Variants in LRRC4C observed in about 807,000 individuals in gnomAD.
The protein encoded by LRRC4C is leucine-rich repeat-containing protein 4C.
Under a neutral mutation model 33.6 loss-of-function variants are expected in LRRC4C, and 5 were observed. That is an observed-to-expected ratio of 0.15 (90% CI 0.08 to 0.31). The LOEUF is 0.31. Among genes scored for constraint, LRRC4C ranks in the 10% least tolerant of loss-of-function variants. The probability of loss-of-function intolerance (pLI) is 1.00; values close to 1 mark genes in which losing one functional copy is unlikely to be tolerated. For synonymous variants in LRRC4C, 329 were observed against 302.0 expected (o/e 1.09, Z -0.93); for missense variants, 560 against 796.7 (o/e 0.70, Z 3.58).
intron 4 of LRRC4C, among the ~76,000 whole-genome samples, chr11:40,272,286 T>C (rs1392169667): frequency 3.9e-5 from 6 of 152,306 alleles, no homozygotes; most frequent in Non-Finnish European, 7.4e-5. Context: ...TGGAATACTA[T>C]GAATCCAATT....
chr11:41,409,434 T>G (rs1954374253), intron 1 of LRRC4C, among the ~76,000 whole-genome samples: 1 of 152,186 alleles, frequency 6.6e-6, no homozygotes, highest in Admixed American at 6.5e-5. Flanking sequence ...ACAGGCAAAA[T>G]GCCAAGAATT....
intron 2 of LRRC4C, among the ~76,000 whole-genome samples, chr11:40,906,264 G>A (rs374460139): frequency 5.9e-5 from 9 of 152,302 alleles, no homozygotes; most frequent in Non-Finnish European, 8.8e-5. Context: ...TGCTCCCTGC[G>A]CTTTGGGAGG....
chr11:40,650,217 C>A (rs555551081), intron 2 of LRRC4C, among the ~76,000 whole-genome samples: 3 of 152,252 alleles, frequency 2.0e-5, no homozygotes, highest in Non-Finnish European at 4.4e-5. Context: ...TAAACTCCTG[C>A]AATAGGCCCC....
intron 2 of LRRC4C, among the ~76,000 whole-genome samples, chr11:40,781,020 G>A (rs1231235142): frequency 1.3e-5 from 2 of 152,124 alleles, no homozygotes. Context: ...TTGTCATCGT[G>A]CAAGCATCAG....
chr11:40,924,984 A>AT (rs1378549441), intron 2 of LRRC4C, among the ~76,000 whole-genome samples: 2 of 152,032 alleles, frequency 1.3e-5, no homozygotes, highest in Non-Finnish European at 2.9e-5. Flanking sequence ...TTGACTTTTT[A>AT]TTTGTATTTC....
At chr11:40,854,920 A>T (rs1199611571) in intron 2 of LRRC4C, among the ~76,000 whole-genome samples, 1 of 152,074 alleles carries the variant, frequency 6.6e-6, no homozygotes, top group Non-Finnish European at 1.5e-5. Flanking sequence ...CAAGAGCTAA[A>T]TTGGCCAAAT....
At chr11:40,189,352 G>C (rs1861648520) in intron 5 of LRRC4C, among the ~76,000 whole-genome samples, 1 of 151,990 alleles carries the variant, frequency 6.6e-6, no homozygotes, top group African/African-American at 2.4e-5. Flanking sequence ...TTACCTCCTA[G>C]GGTAAACCAT....
intron 1 of LRRC4C, among the ~76,000 whole-genome samples, chr11:41,364,543 G>A (rs751816056): frequency 5.3e-5 from 8 of 152,052 alleles, no homozygotes; most frequent in Non-Finnish European, 1.0e-4. Context: ...CCCAAAGTGC[G>A]AGGATTACAG....
chr11:40,208,016 C>T (rs1472043421), intron 5 of LRRC4C, among the ~76,000 whole-genome samples: 11 of 152,112 alleles, frequency 7.2e-5, no homozygotes. Flanking sequence ...CTAAGGAAAC[C>T]TACTTGCTTA....
At chr11:40,706,817 G>A (rs989790590) in intron 2 of LRRC4C, among the ~76,000 whole-genome samples, 12 of 152,062 alleles carry the variant, frequency 7.9e-5, no homozygotes, top group Non-Finnish European at 1.6e-4. Context: ...CCATTTTCAC[G>A]ATATTGATTC....
At chr11:40,453,393 T>A (rs1249361806) in intron 3 of LRRC4C, among the ~76,000 whole-genome samples, 2 of 152,000 alleles carry the variant, frequency 1.3e-5, no homozygotes, top group Non-Finnish European at 2.9e-5. Flanking sequence ...CTAAAGAAAT[T>A]GAATTAATCA....
In LRRC4C at chr11:40,433,214, C is replaced by G. The variant is rs75065748; in HGVS notation, c.-269-113493G>C. Among the ~76,000 whole-genome samples, 209 of 152,172 alleles carry G rather than the reference C, an allele frequency of 1.4e-3. 7 individuals carry two copies. In the East Asian group the frequency reaches 0.036, roughly 26 times the overall value. On this transcript the variant is annotated intron_variant, in intron 3 of 6. Transcript: ENST00000528697. Reference sequence around the variant, plus strand: ...ATAATTCAATAACTGTATTTAAAAGCTGGATTGTGGATACAATCTCTCTTG... The same window carrying G: ...ATAATTCAATAACTGTATTTAAAAGGTGGATTGTGGATACAATCTCTCTTG...
rs140506588 is a variant in LRRC4C at position 40,726,735 on chromosome 11, T to C, written c.-406-78457A>G. ...CCACCCTCCATGCTCATAGTCAACA[T>C]AGTATTGGAAATCCAAGCGAGAGTA... On this transcript the variant is annotated intron_variant, in intron 2 of 6. Transcript: ENST00000528697. Among the ~76,000 whole-genome samples, 335 of 151,982 alleles carry C rather than the reference T, an allele frequency of 2.2e-3. 1 individual carries two copies. The highest frequency in any genetic ancestry group is 0.014 in the Middle Eastern group (4 of 292).
intron 2 of LRRC4C, among the ~76,000 whole-genome samples, chr11:40,727,831 C>T (rs1329982913): frequency 6.6e-6 from 1 of 151,804 alleles, no homozygotes; most frequent in African/African-American, 2.4e-5. Flanking sequence ...GGCGGATCAC[C>T]TGAGTTCAGG....
intron 2 of LRRC4C, among the ~76,000 whole-genome samples, chr11:40,830,262 C>G (rs1404673078): frequency 6.6e-6 from 1 of 152,094 alleles, no homozygotes; most frequent in Non-Finnish European, 1.5e-5. Context: ...AGGCAGTTAA[C>G]TACAGTTCTT....
At chr11:41,281,177 G>A (rs1418743138) in intron 1 of LRRC4C, among the ~76,000 whole-genome samples, 1 of 149,026 alleles carries the variant, frequency 6.7e-6, no homozygotes, top group Non-Finnish European at 1.5e-5. Flanking sequence ...ACCCCCAGTA[G>A]TGCTAAAATC....
At chr11:40,375,532 G>C (rs1452864251) in intron 3 of LRRC4C, among the ~76,000 whole-genome samples, 2 of 152,104 alleles carry the variant, frequency 1.3e-5, no homozygotes, top group Non-Finnish European at 1.5e-5. Context: ...CTTTTGCCAA[G>C]GTCTAACATT....
At chr11:41,058,687 A>G (rs144314703) in intron 1 of LRRC4C, among the ~76,000 whole-genome samples, 103 of 152,306 alleles carry the variant, frequency 6.8e-4, no homozygotes, top group Middle Eastern at 3.4e-3. Flanking sequence ...CTACCATCCA[A>G]CCCAGCAACC....
chr11:40,778,041 A>G (rs935473620), intron 2 of LRRC4C, among the ~76,000 whole-genome samples: 4 of 152,138 alleles, frequency 2.6e-5, no homozygotes, highest in Non-Finnish European at 4.4e-5. Context: ...AAGTAGGGAC[A>G]TTTAGGCCAT....
Sources: gnomAD v4.1 joint callset for allele counts (sites outside exome capture counted in the v4.1 genomes callset) on GRCh38, gnomAD v4.1.1 for gene constraint, MANE v1.5 for transcripts, NCBI Gene and HGNC (gene_info 2026-07-23, HGNC 2026-07-21) for gene names.